Variants in TAOK1 observed in about 807,000 individuals in gnomAD.
The protein encoded by TAOK1 is TAO kinase 1.
Under a neutral mutation model 138.3 loss-of-function variants are expected in TAOK1, and 21 were observed. The ratio of observed to expected loss-of-function variants is 0.15; its 90% CI spans 0.11 to 0.22. TAOK1 has a LOEUF of 0.22. Ranked by LOEUF, TAOK1 falls within the 10% of genes least tolerant of loss-of-function variation. The pLI is 1.00. For missense variants in TAOK1, 651 were observed against 1,227.7 expected (o/e 0.53, Z 7.02); for synonymous variants, 361 against 398.4 (o/e 0.91, Z 1.12).
At chr17:29,500,088 C>T (rs2031495566) in intron 12 of TAOK1, among the ~76,000 whole-genome samples, 1 of 152,100 alleles carries the variant, frequency 6.6e-6, no homozygotes, top group African/African-American at 2.4e-5. Context: ...CTGAGGCGGG[C>T]AGATTGCTTG....
intron 19 of TAOK1, among the ~76,000 whole-genome samples, chr17:29,536,687 C>T (rs919682753): frequency 4.4e-4 from 66 of 149,064 alleles, no homozygotes; most frequent in African/African-American, 1.6e-3. Flanking sequence ...TTCCTAAATC[C>T]ATGTCATTCA....
intron 19 of TAOK1, among the ~76,000 whole-genome samples, chr17:29,542,291 C>T (rs948007123): frequency 6.6e-6 from 1 of 152,082 alleles, no homozygotes; most frequent in Non-Finnish European, 1.5e-5. Flanking sequence ...ACAGTGTTCC[C>T]TATTCAAGTT....
At chr17:29,397,598 G>GCCC (rs1904653701) in intron 1 of TAOK1, among the ~76,000 whole-genome samples, 2 of 54,740 alleles carry the variant, frequency 3.7e-5, no homozygotes, top group African/African-American at 1.7e-4. Context: ...GTGAGATTCC[G>GCCC]TCCCCCCCCA....
intron 19 of TAOK1, among the ~76,000 whole-genome samples, chr17:29,537,175 A>C (rs2032237248): frequency 1.3e-5 from 2 of 152,230 alleles, no homozygotes; most frequent in Non-Finnish European, 2.9e-5. Context: ...ACAGTTAAAC[A>C]GCACTAATTA....
At chr17:29,454,057 C>T (rs2030313565) in intron 2 of TAOK1, among the ~76,000 whole-genome samples, 1 of 150,736 alleles carries the variant, frequency 6.6e-6, no homozygotes, top group Non-Finnish European at 1.5e-5. Flanking sequence ...CACAAGCAGT[C>T]CACCCACCTT....
chr17:29,481,402 C>G (rs577482730), intron 7 of TAOK1, among the ~76,000 whole-genome samples: 4 of 151,894 alleles, frequency 2.6e-5, no homozygotes, highest in African/African-American at 9.6e-5. Flanking sequence ...CCATGTTGCT[C>G]AGGCTTCTGG....
intron 1 of TAOK1, among the ~76,000 whole-genome samples, chr17:29,427,527 C>CAAA (rs1255682171): frequency 3.1e-5 from 2 of 64,186 alleles, no homozygotes; most frequent in African/African-American, 5.6e-5. Context: ...AACTCCGTCT[C>CAAA]AAAAAAAAAA....
chr17:29,425,921 C>T (rs1254128208), intron 1 of TAOK1, among the ~76,000 whole-genome samples: 1 of 152,114 alleles, frequency 6.6e-6, no homozygotes, highest in Non-Finnish European at 1.5e-5. Context: ...CGCTCTGTCG[C>T]CCAGGCTGGA....
At chr17:29,443,726 A>C (rs1409366844) in intron 1 of TAOK1, among the ~76,000 whole-genome samples, 4 of 152,250 alleles carry the variant, frequency 2.6e-5, no homozygotes, top group African/African-American at 9.6e-5. Context: ...AGATTAGATA[A>C]TTTAAAAAAT....
chr17:29,399,085 C>G (rs1904756887), intron 1 of TAOK1, among the ~76,000 whole-genome samples: 1 of 151,250 alleles, frequency 6.6e-6, no homozygotes, highest in Non-Finnish European at 1.5e-5. Flanking sequence ...CTCCCAGGCT[C>G]AAGTGATCCA....
chr17:29,530,979 T>TTTTTTTTTTTTTTGG (rs2032092142), intron 18 of TAOK1, among the ~76,000 whole-genome samples: 1 of 145,706 alleles, frequency 6.9e-6, no homozygotes, highest in Non-Finnish European at 1.5e-5. Context: ...TTTTTTTTTT[T>TTTTTTTTTTTTTTGG]GAGACGGAGT....
At chr17:29,521,084 T>A (rs978886495) in intron 16 of TAOK1, among the ~76,000 whole-genome samples, 3 of 152,126 alleles carry the variant, frequency 2.0e-5, no homozygotes, top group Non-Finnish European at 4.4e-5. Flanking sequence ...ATTATATTAT[T>A]AAATGAAGAA....
At chr17:29,455,045 G>A (rs941412214) in intron 2 of TAOK1, among the ~76,000 whole-genome samples, 1 of 151,972 alleles carries the variant, frequency 6.6e-6, no homozygotes, top group African/African-American at 2.4e-5. Flanking sequence ...TAAGTTGCTG[G>A]GATTACAGGT....
intron 14 of TAOK1, 38 bp downstream of exon 14, chr17:29,508,170 T>G (rs1432399803): frequency 6.4e-7 from 1 of 1,565,272 alleles, no homozygotes; most frequent in Non-Finnish European, 8.8e-7. Flanking sequence ...TTATTTTAGG[T>G]TTTGAATGTC....
intron 7 of TAOK1, among the ~76,000 whole-genome samples, chr17:29,481,164 A>G (rs1160143350): frequency 6.6e-6 from 1 of 151,810 alleles, no homozygotes; most frequent in African/African-American, 2.4e-5. Context: ...TGTTGCCAAT[A>G]GTAAAATTCA....
At chr17:29,479,773 T>C (rs2031022008) in intron 6 of TAOK1, among the ~76,000 whole-genome samples, 1 of 152,150 alleles carries the variant, frequency 6.6e-6, no homozygotes, top group Admixed American at 6.5e-5. Context: ...ATACATGTTT[T>C]CTTAGTTTAT....
At chr17:29,408,230 T>G (rs1278083450) in intron 1 of TAOK1, among the ~76,000 whole-genome samples, 1 of 149,892 alleles carries the variant, frequency 6.7e-6, no homozygotes. Flanking sequence ...AGGTTTTTTT[T>G]TTTTTTTTTT....
At chr17:29,535,069 T>C (rs2032200288) in intron 19 of TAOK1, among the ~76,000 whole-genome samples, 1 of 152,024 alleles carries the variant, frequency 6.6e-6, no homozygotes, top group African/African-American at 2.4e-5. Context: ...CCCAGCACTT[T>C]GGGAAGCCAA....
intron 2 of TAOK1, among the ~76,000 whole-genome samples, chr17:29,453,801 G>GTT (rs151078375): frequency 7.1e-6 from 1 of 141,788 alleles, no homozygotes. Flanking sequence ...ATTCACTTAG[G>GTT]TTTTTTTGTT....
Sources: gnomAD v4.1 joint callset for allele counts (sites outside exome capture counted in the v4.1 genomes callset) on GRCh38, gnomAD v4.1.1 for gene constraint, MANE v1.5 for transcripts, NCBI Gene and HGNC (gene_info 2026-07-23, HGNC 2026-07-21) for gene names.